The following PTPRD variants were observed in gnomAD, a reference collection of about 807,000 sequenced individuals.
The protein encoded by PTPRD is protein tyrosine phosphatase receptor type D, also known as receptor-type tyrosine-protein phosphatase delta.
In PTPRD, 34 loss-of-function variants were observed where a neutral mutation model predicts 214.5. The observed-to-expected ratio is 0.16, with a 90% CI of 0.12 to 0.21. The LOEUF (loss-of-function observed/expected upper bound fraction) is 0.21, where lower values mean the gene tolerates loss of function less well. PTPRD is among the 10% of genes least tolerant of loss of function. The pLI is 1.00. For missense variants in PTPRD, 2,545 were observed against 2,398.7 expected, an observed-to-expected ratio of 1.06 and a Z score of -1.27; for synonymous variants, 1,128 against 845.7, an observed-to-expected ratio of 1.33 and a Z score of -5.79.
At chr9:8,663,283 CTT>C (rs561882911) in intron 12 of PTPRD, among the ~76,000 whole-genome samples, 5 of 137,186 alleles carry the variant, frequency 3.6e-5, no homozygotes, top group Non-Finnish European at 3.2e-5. Flanking sequence ...AGATAATTGG[CTT>C]TTTTTTTTTT....
intron 11 of PTPRD, among the ~76,000 whole-genome samples, chr9:8,889,625 C>A (rs937614956): frequency 7.7e-6 from 1 of 130,516 alleles, no homozygotes; most frequent in African/African-American, 2.8e-5. Context: ...ACCCACCCTT[C>A]CCCCAAGTCC....
chr9:10,129,527 T>C (rs1239432940), intron 3 of PTPRD, among the ~76,000 whole-genome samples: 2 of 144,012 alleles, frequency 1.4e-5, no homozygotes, highest in Non-Finnish European at 3.0e-5. Flanking sequence ...CTCACTTATC[T>C]CACTCGTCTT....
At chr9:8,813,887 G>C (rs1437677486) in intron 11 of PTPRD, among the ~76,000 whole-genome samples, 4 of 152,306 alleles carry the variant, frequency 2.6e-5, no homozygotes, top group Non-Finnish European at 4.4e-5. Context: ...GTCTTCTTTG[G>C]TCCTGGTCCA....
intron 3 of PTPRD, among the ~76,000 whole-genome samples, chr9:10,207,252 T>C (rs528070825): frequency 5.8e-4 from 77 of 132,938 alleles, no homozygotes; most frequent in African/African-American, 2.3e-3. Context: ...TTTACAGTTA[T>C]AGATAATGCA....
At chr9:10,424,264 C>A (rs922272516) in intron 2 of PTPRD, among the ~76,000 whole-genome samples, 24 of 151,504 alleles carry the variant, frequency 1.6e-4, no homozygotes, top group African/African-American at 5.8e-4. Context: ...AAAAAAAGAA[C>A]ATCTAAATCA....
chr9:9,979,312 G>A (rs1047013002), intron 4 of PTPRD, among the ~76,000 whole-genome samples: 10 of 151,964 alleles, frequency 6.6e-5, no homozygotes, highest in African/African-American at 2.2e-4. Flanking sequence ...CAGGTATTTT[G>A]CTTTTCCAGA....
At chr9:8,611,307 G>A (rs2095436848) in intron 14 of PTPRD, among the ~76,000 whole-genome samples, 1 of 152,172 alleles carries the variant, frequency 6.6e-6, no homozygotes, top group African/African-American at 2.4e-5. Context: ...GGTAGGACTT[G>A]CCAGTTGGGC....
chr9:10,421,043 C>A (rs1342363344), intron 2 of PTPRD, among the ~76,000 whole-genome samples: 2 of 151,782 alleles, frequency 1.3e-5, no homozygotes, highest in Non-Finnish European at 2.9e-5. Flanking sequence ...ACATAAAATA[C>A]ACTAACACTA....
chr9:8,756,887 T>A (rs1198709624), intron 11 of PTPRD, among the ~76,000 whole-genome samples: 1 of 152,094 alleles, frequency 6.6e-6, no homozygotes, highest in South Asian at 2.1e-4. Flanking sequence ...AAGCATGTAA[T>A]CCCAGCACCT....
chr9:8,581,913 CAAAAAAAAAA>C (rs36007156), intron 14 of PTPRD, among the ~76,000 whole-genome samples: 5,004 of 34,598 alleles, frequency 0.14, 80 homozygotes, highest in Non-Finnish European at 0.21. Context: ...ACTCAATCTC[CAAAAAAAAAA>C]AAAAAAAAAA....
chr9:9,280,993 C>G (rs1947488580), intron 9 of PTPRD, among the ~76,000 whole-genome samples: 1 of 150,954 alleles, frequency 6.6e-6, no homozygotes, highest in Non-Finnish European at 1.5e-5. Context: ...TAATTTTTGA[C>G]AAAAAATCAA....
intron 3 of PTPRD, among the ~76,000 whole-genome samples, chr9:10,115,562 C>G (rs1339617533): frequency 6.6e-6 from 1 of 152,068 alleles, no homozygotes; most frequent in Non-Finnish European, 1.5e-5. Context: ...GAACTATACT[C>G]ACTTTCAAGG....
chr9:9,619,648 G>A (rs1051249872), intron 7 of PTPRD, among the ~76,000 whole-genome samples: 3 of 143,466 alleles, frequency 2.1e-5, no homozygotes, highest in South Asian at 4.3e-4. Context: ...TATTTATATT[G>A]TATAGAAATA....
At chr9:10,027,141 TG>T (rs1419011668) in intron 4 of PTPRD, among the ~76,000 whole-genome samples, 3 of 152,150 alleles carry the variant, frequency 2.0e-5, no homozygotes, top group Non-Finnish European at 1.5e-5. Flanking sequence ...ATCTTACACT[TG>T]GGGGGAAATG....
intron 3 of PTPRD, among the ~76,000 whole-genome samples, chr9:10,255,018 G>T (rs1314175480): frequency 2.0e-5 from 3 of 152,134 alleles, no homozygotes; most frequent in Non-Finnish European, 4.4e-5. Flanking sequence ...TATATGTTTA[G>T]AAAACATGGC....
chr9:10,494,605 T>A (rs141874234), intron 2 of PTPRD, among the ~76,000 whole-genome samples: 11 of 150,654 alleles, frequency 7.3e-5, no homozygotes, highest in African/African-American at 2.7e-4. Flanking sequence ...AGATTTTAGG[T>A]CTTTTCTCTC....
chr9:9,378,276 C>T (rs1395665835), intron 9 of PTPRD, among the ~76,000 whole-genome samples: 1 of 152,110 alleles, frequency 6.6e-6, no homozygotes, highest in Non-Finnish European at 1.5e-5. Flanking sequence ...GTTGATAATA[C>T]AGTATATATC....
chr9:9,397,963 G>T (rs534696317), intron 8 of PTPRD, among the ~76,000 whole-genome samples: 29 of 151,996 alleles, frequency 1.9e-4, no homozygotes, highest in African/African-American at 6.7e-4. Context: ...AGCTTTAGTA[G>T]GTTGGTCCTA....
intron 3 of PTPRD, among the ~76,000 whole-genome samples, chr9:10,250,948 C>T (rs906983100): frequency 1.3e-5 from 2 of 151,762 alleles, no homozygotes; most frequent in African/African-American, 4.8e-5. Context: ...AAACAATATG[C>T]CATACCAAAA....
Sources: allele counts gnomAD v4.1 joint callset (sites outside exome capture counted in the v4.1 genomes callset), GRCh38; gene constraint gnomAD v4.1.1; transcripts MANE v1.5; gene names NCBI Gene and HGNC (gene_info 2026-07-23, HGNC 2026-07-21).